The following PHACTR3 variants were observed in gnomAD, a reference collection of about 807,000 sequenced individuals.
The protein encoded by PHACTR3 is protein phosphatase 1, regulatory subunit 123.
A neutral mutation model predicts 66.8 loss-of-function variants in PHACTR3; 16 were observed. That is an observed-to-expected ratio of 0.24 (90% CI 0.16 to 0.36). The LOEUF (loss-of-function observed/expected upper bound fraction) is 0.36. Among genes scored for constraint, PHACTR3 ranks in the 10% least tolerant of loss-of-function variants. The pLI, the probability that PHACTR3 is intolerant of heterozygous loss-of-function variation, is 1.00. For missense variants in PHACTR3, 647 were observed against 719.9 expected, an observed-to-expected ratio of 0.90 and a Z score of 1.16; for synonymous variants, 323 against 292.1, an observed-to-expected ratio of 1.11 and a Z score of -1.08.
chr20:59,733,410 G>C (rs1410499866), intron 1 of PHACTR3, among the ~76,000 whole-genome samples: 1 of 152,176 alleles, frequency 6.6e-6, no homozygotes, highest in Non-Finnish European at 1.5e-5. Flanking sequence ...GTAGATGGCT[G>C]TCAAGCCACA....
chr20:59,752,040 T>C (rs949193272), intron 3 of PHACTR3, among the ~76,000 whole-genome samples: 2 of 152,190 alleles, frequency 1.3e-5, no homozygotes, highest in African/African-American at 2.4e-5. Flanking sequence ...TACCCCGTCA[T>C]TGGGTATAAA....
intron 5 of PHACTR3, among the ~76,000 whole-genome samples, chr20:59,772,702 G>A (rs1210947532): frequency 1.3e-5 from 2 of 152,178 alleles, no homozygotes; most frequent in Non-Finnish European, 1.5e-5. Flanking sequence ...TTGAGACTGG[G>A]CCATGAGTTC....
Position 59,702,393 on chromosome 20 carries a change from T to G in PHACTR3, c.119-40714T>G, listed in dbSNP as rs2037537860. ...CTTCATCCTTTTTTCTTCTTTTTAT[T>G]CAGAAGACTCTCACCCCAAGTCTTC... On this transcript the variant is annotated intron_variant, in intron 1 of 12. Coordinates refer to ENST00000371015, the MANE Select transcript of PHACTR3 (RefSeq NM_080672.5). 2.6e-5 allele frequency among the ~76,000 whole-genome samples: 4 copies of G among 152,164 alleles called. No individual in the cohort carries two copies. The South Asian group carries it at 8.3e-4, about 32-fold the overall frequency.
chr20:59,767,732 G>A (rs1358088720), intron 5 of PHACTR3, among the ~76,000 whole-genome samples: 1 of 152,204 alleles, frequency 6.6e-6, no homozygotes, highest in African/African-American at 2.4e-5. Context: ...TGCAAGAGGT[G>A]CAGCCAGTTC....
At chr20:59,782,665 C>T (rs1324843588) in intron 7 of PHACTR3, among the ~76,000 whole-genome samples, 3 of 152,138 alleles carry the variant, frequency 2.0e-5, no homozygotes, top group Admixed American at 1.3e-4. Flanking sequence ...CTCATAAAAC[C>T]ACCAGATCTC....
intron 1 of PHACTR3, among the ~76,000 whole-genome samples, chr20:59,619,690 C>A (rs2146362322): frequency 6.6e-6 from 1 of 152,236 alleles, no homozygotes; most frequent in East Asian, 1.9e-4. Flanking sequence ...TTATTTGAAG[C>A]CAGTAAGCTT....
chr20:59,844,349 T>G (rs966717235), intron 11 of PHACTR3: 1 of 152,100 alleles, frequency 6.6e-6, no homozygotes, highest in East Asian at 1.9e-4. Context: ...ATTGAAGAGA[T>G]ATCTGTACTC....
intron 8 of PHACTR3, among the ~76,000 whole-genome samples, chr20:59,823,641 C>A (rs1383883241): frequency 6.6e-6 from 1 of 152,150 alleles, no homozygotes; most frequent in East Asian, 1.9e-4. Context: ...CTGACAGTTT[C>A]TTTGGAGAGG....
At position 59,773,320 on chromosome 20, in the gene PHACTR3, G is replaced by C; in HGVS notation, c.793G>C (p.Asp265His). The C allele has an allele frequency of 6.2e-7, 1 of 1,614,102 alleles. No homozygotes were observed. Among genetic ancestry groups the C allele is most frequent in the Non-Finnish European group, 8.5e-7 (1 of 1,180,010 alleles). ...LFQASSMKSA[D>H]PSLRGQLSTP... is the part of the protein sequence containing the mutation. ...CCAAGCCTCCAGCATGAAGAGTGCC[G>C]ACCCTTCCCTCCGGGGCCAGCTCTC... Residue 265 changes from aspartate (D) to histidine (H), a missense_variant, in exon 6 of 13, where the codon GAC becomes CAC. Around this residue, in one of 2 missense-constraint regions of PHACTR3, gnomAD observed 577 missense variants for 571.1 expected, o/e 1.01. Transcript: ENST00000371015.
intron 1 of PHACTR3, among the ~76,000 whole-genome samples, chr20:59,690,034 T>A (rs1464805421): frequency 6.6e-6 from 1 of 152,172 alleles, no homozygotes; most frequent in Non-Finnish European, 1.5e-5. Flanking sequence ...ACAGTCTATA[T>A]CCCTTCCTCA....
intron 1 of PHACTR3, among the ~76,000 whole-genome samples, chr20:59,633,182 C>T (rs1261295379): frequency 2.0e-5 from 3 of 152,272 alleles, no homozygotes; most frequent in African/African-American, 7.2e-5. Context: ...ATAAATCATT[C>T]TATAAAGACA....
intron 1 of PHACTR3, among the ~76,000 whole-genome samples, chr20:59,734,495 C>A (rs2038876225): frequency 6.6e-6 from 1 of 152,174 alleles, no homozygotes; most frequent in Non-Finnish European, 1.5e-5. Context: ...TGCCCTCAAG[C>A]AGCCCTCCTG....
intron 1 of PHACTR3, among the ~76,000 whole-genome samples, chr20:59,688,288 C>T (rs2036974240): frequency 6.6e-6 from 1 of 152,110 alleles, no homozygotes; most frequent in African/African-American, 2.4e-5. Flanking sequence ...GCAGAGAACT[C>T]TAGTGGAAGG....
chr20:59,609,433 A>C (rs1472235373), intron 1 of PHACTR3, among the ~76,000 whole-genome samples: 1 of 152,044 alleles, frequency 6.6e-6, no homozygotes, highest in Admixed American at 6.6e-5. Context: ...TCTGCCAGAC[A>C]CGGGCCTCCT....
intron 4 of PHACTR3, among the ~76,000 whole-genome samples, chr20:59,759,210 G>T (rs1305826411): frequency 6.6e-6 from 1 of 152,172 alleles, no homozygotes; most frequent in African/African-American, 2.4e-5. Context: ...GCAGGCCTGG[G>T]ATCCTGCGCC....
At chr20:59,612,630 C>T (rs1446714240) in intron 1 of PHACTR3, among the ~76,000 whole-genome samples, 1 of 152,188 alleles carries the variant, frequency 6.6e-6, no homozygotes, top group Non-Finnish European at 1.5e-5. Context: ...GTGATCCGCC[C>T]ACTTTGGCCT....
intron 4 of PHACTR3, among the ~76,000 whole-genome samples, chr20:59,766,415 G>C (rs745558617): frequency 2.6e-5 from 4 of 152,208 alleles, no homozygotes; most frequent in Non-Finnish European, 4.4e-5. Flanking sequence ...CTTAGGGACT[G>C]TTGGTCCGAT....
intron 7 of PHACTR3, among the ~76,000 whole-genome samples, chr20:59,795,190 TTTTG>T (rs2041216974): frequency 6.6e-6 from 1 of 152,148 alleles, no homozygotes; most frequent in South Asian, 2.1e-4. Flanking sequence ...ATGTTTTTAC[TTTTG>T]TTTGTCTAAA....
intron 1 of PHACTR3, among the ~76,000 whole-genome samples, chr20:59,713,358 A>T (rs958210876): frequency 6.6e-6 from 1 of 152,210 alleles, no homozygotes; most frequent in African/African-American, 2.4e-5. Flanking sequence ...TTAATGTAAA[A>T]AAATTTATTG....
Sources: gnomAD v4.1 joint callset for allele counts (sites outside exome capture counted in the v4.1 genomes callset) on GRCh38, gnomAD v4.1.1 for gene constraint, gnomAD v4.1.1 regional missense constraint, MANE v1.5 for transcripts, NCBI Gene and HGNC (gene_info 2026-07-23, HGNC 2026-07-21) for gene names.